The following KLHL1 variants were observed in gnomAD, a reference collection of about 807,000 sequenced individuals.
KLHL1 encodes the protein kelch like family member 1, also known as kelch-like protein 1.
Under a neutral mutation model 77.7 loss-of-function variants are expected in KLHL1, and 47 were observed. That is an observed-to-expected ratio of 0.60 (90% CI 0.48 to 0.77). The LOEUF (loss-of-function observed/expected upper bound fraction) is 0.77, where lower values mean the gene tolerates loss of function less well. KLHL1 is among the 30% of genes least tolerant of loss of function. KLHL1 has a pLI of 0.00. For missense variants in KLHL1, 925 were observed against 910.8 expected (o/e 1.02, Z -0.20); for synonymous variants, 360 against 325.2 (o/e 1.11, Z -1.15).
At chr13:69,809,782 C>T (rs1238097363) in intron 6 of KLHL1, among the ~76,000 whole-genome samples, 1 of 151,754 alleles carries the variant, frequency 6.6e-6, no homozygotes, top group South Asian at 2.1e-4. Context: ...TAACAAGACC[C>T]ATCCTTCCAC....
intron 1 of KLHL1, among the ~76,000 whole-genome samples, chr13:70,054,825 T>C (rs200027046): frequency 1.2e-3 from 1 of 824 alleles, no homozygotes; most frequent in African/African-American, 2.6e-3. Flanking sequence ...GATCAAGCAT[T>C]AAGAGAGAAT....
intron 6 of KLHL1, among the ~76,000 whole-genome samples, chr13:69,802,692 C>A (rs1047234505): frequency 2.6e-5 from 4 of 151,746 alleles, no homozygotes; most frequent in Non-Finnish European, 4.4e-5. Flanking sequence ...TCCCGTACCC[C>A]CTGCTTGCTC....
chr13:70,019,349 A>C (rs1023679051), intron 1 of KLHL1, among the ~76,000 whole-genome samples: 16 of 94,668 alleles, frequency 1.7e-4, no homozygotes, highest in Admixed American at 9.8e-4. Context: ...AGAATCACAG[A>C]ACTGAGTAAG....
intron 1 of KLHL1, among the ~76,000 whole-genome samples, chr13:70,063,369 G>T (rs1200744199): frequency 2.0e-5 from 3 of 151,992 alleles, no homozygotes; most frequent in African/African-American, 7.2e-5. Context: ...TATAAAAACT[G>T]CAATTACAGC....
chr13:69,812,438 CA>C (rs1387565062), intron 6 of KLHL1, among the ~76,000 whole-genome samples: 9 of 152,010 alleles, frequency 5.9e-5, no homozygotes, highest in Non-Finnish European at 1.3e-4. Context: ...TCTAAAACAC[CA>C]AAAGCAATGG....
chr13:69,880,069 A>C, intron 5 of KLHL1, among the ~76,000 whole-genome samples: 1 of 152,160 alleles, frequency 6.6e-6, no homozygotes, highest in East Asian at 1.9e-4. Flanking sequence ...AAACAGGGAA[A>C]TGGCACTCAT....
At chr13:69,951,314 TTTTTC>T in intron 3 of KLHL1, among the ~76,000 whole-genome samples, 1 of 151,572 alleles carries the variant, frequency 6.6e-6, no homozygotes, top group East Asian at 1.9e-4. Flanking sequence ...AGTGGCTTAT[TTTTTC>T]TTTCCTTTAT....
intron 7 of KLHL1, among the ~76,000 whole-genome samples, chr13:69,791,602 T>C (rs1000152279): frequency 2.0e-5 from 3 of 152,124 alleles, no homozygotes; most frequent in African/African-American, 7.2e-5. Context: ...ACTAATGTAA[T>C]AGAATTGAAA....
chr13:69,758,649 A>G (rs1015799521), intron 7 of KLHL1, among the ~76,000 whole-genome samples: 1 of 152,112 alleles, frequency 6.6e-6, no homozygotes, highest in Non-Finnish European at 1.5e-5. Flanking sequence ...TTTCCAGTGA[A>G]AAATTTAGGA....
chr13:70,057,505 G>C lies in KLHL1; in HGVS notation c.497+49698C>G, dbSNP rs1343804660. Reference sequence around the variant, plus strand: ...AAAAAAAAAAAAAGAGGCCGGGCGCGGTGGCTCACGCCTGTAATCCCAGCA... The same window carrying C: ...AAAAAAAAAAAAAGAGGCCGGGCGCCGTGGCTCACGCCTGTAATCCCAGCA... On this transcript the variant is annotated intron_variant, in intron 1 of 10. Transcript: ENST00000377844. Among the ~76,000 whole-genome samples, 70 of 145,758 alleles carry C rather than the reference G, an allele frequency of 4.8e-4. No homozygotes were observed. In the East Asian group the frequency reaches 0.012, roughly 26 times the overall value.
At chr13:69,781,820 C>G (rs1204576418) in intron 7 of KLHL1, among the ~76,000 whole-genome samples, 2 of 152,236 alleles carry the variant, frequency 1.3e-5, no homozygotes, top group Non-Finnish European at 2.9e-5. Flanking sequence ...TTCTGACTTT[C>G]ACTTTACTTC....
intron 1 of KLHL1, among the ~76,000 whole-genome samples, chr13:70,026,540 C>T (rs1357534916): frequency 2.0e-5 from 3 of 152,062 alleles, no homozygotes; most frequent in Non-Finnish European, 2.9e-5. Context: ...CACTAGTTTA[C>T]TCTGCTACTG....
intron 8 of KLHL1, among the ~76,000 whole-genome samples, chr13:69,729,152 C>A (rs1873430971): frequency 6.6e-6 from 1 of 152,124 alleles, no homozygotes; most frequent in Non-Finnish European, 1.5e-5. Flanking sequence ...GGCCAAGCAC[C>A]ACACATCGAC....
At position 69,961,438 on chromosome 13, in the gene KLHL1, A is replaced by C. The variant is rs370382433; in HGVS notation, c.687T>G (p.Val229=). ...GNRKIPAHRL[V]LSSVSDYFAA... is the part of the protein sequence containing the mutation. ...CAAAATAGTCGGAGACTGAACTCAGAACAAGCCTGAAAGAGTCACAGGTTC... is the reference window on the plus strand; with the variant it reads ...CAAAATAGTCGGAGACTGAACTCAGCACAAGCCTGAAAGAGTCACAGGTTC... The change falls in exon 3 of 11, where the codon GTT becomes GTG. Residue 229 remains valine (V), a synonymous_variant. Transcript: ENST00000377844. 187 of 1,612,612 alleles carry C rather than the reference A, an allele frequency of 1.2e-4. No individual in the cohort carries two copies. The highest frequency in any genetic ancestry group is 1.4e-4 in the Non-Finnish European group (168 of 1,179,212).
rs1262162687 is a variant in KLHL1 at position 69,953,070 on chromosome 13, T to C, written c.817+8238A>G. 7.9e-5 allele frequency among the ~76,000 whole-genome samples: 12 copies of C among 151,374 alleles called. No homozygotes were observed. In the East Asian group the frequency reaches 2.3e-3, roughly 29 times the overall value. On this transcript the variant is annotated intron_variant, in intron 3 of 10. Coordinates refer to ENST00000377844, the MANE Select transcript of KLHL1 (RefSeq NM_020866.3). ...TGAATACTGTGAGGCATAGCTAAGA[T>C]TTGCATGGAAAGTTCTTGAAAATGT...
chr13:69,975,302 G>A (rs776506527), intron 2 of KLHL1, among the ~76,000 whole-genome samples: 22 of 152,000 alleles, frequency 1.4e-4, no homozygotes, highest in Non-Finnish European at 3.1e-4. Context: ...TAGTATGACT[G>A]TGAATCCCAC....
At chr13:69,994,513 C>T (rs1885102092) in intron 1 of KLHL1, among the ~76,000 whole-genome samples, 1 of 152,076 alleles carries the variant, frequency 6.6e-6, no homozygotes, top group South Asian at 2.1e-4. Context: ...TAGGCTTACT[C>T]CTTCTATTTA....
At chr13:69,960,870 T>C (rs1430617443) in intron 3 of KLHL1, among the ~76,000 whole-genome samples, 2 of 152,060 alleles carry the variant, frequency 1.3e-5, no homozygotes, top group African/African-American at 4.8e-5. Flanking sequence ...CCATTTCAAA[T>C]GATTTGTCAA....
chr13:69,791,154 C>G (rs1159771705), intron 7 of KLHL1, among the ~76,000 whole-genome samples: 2 of 151,762 alleles, frequency 1.3e-5, no homozygotes, highest in Non-Finnish European at 2.9e-5. Context: ...GTTAAATATA[C>G]AAATACAAAC....
Sources: allele counts gnomAD v4.1 joint callset (sites outside exome capture counted in the v4.1 genomes callset), GRCh38; gene constraint gnomAD v4.1.1; transcripts MANE v1.5; gene names NCBI Gene and HGNC (gene_info 2026-07-23, HGNC 2026-07-21).